Variants in KCND2 observed in about 807,000 individuals in gnomAD.
The protein encoded by KCND2 is A-type voltage-gated potassium channel KCND2.
A neutral mutation model predicts 54.4 loss-of-function variants in KCND2; 16 were observed. The observed-to-expected ratio is 0.29, with a 90% confidence interval of 0.20 to 0.45. The LOEUF is 0.45. KCND2 is among the 20% of genes least tolerant of loss of function. KCND2 has a pLI of 1.00. For synonymous variants in KCND2, 317 were observed against 310.7 expected (o/e 1.02, Z -0.21); for missense variants, 486 against 824.2 (o/e 0.59, Z 5.02).
intron 1 of KCND2, among the ~76,000 whole-genome samples, chr7:120,534,869 T>A (rs1791885764): frequency 6.6e-6 from 1 of 152,132 alleles, no homozygotes; most frequent in Non-Finnish European, 1.5e-5. Context: ...ATACCACAAG[T>A]GGAATGATAA....
chr7:120,483,578 A>G (rs1802637211), intron 1 of KCND2, among the ~76,000 whole-genome samples: 1 of 152,232 alleles, frequency 6.6e-6, no homozygotes, highest in Admixed American at 6.5e-5. Flanking sequence ...AGAACTCAGC[A>G]ATGGTGACTG....
chr7:120,399,863 G>T (rs529845024), intron 1 of KCND2, among the ~76,000 whole-genome samples: 7 of 151,882 alleles, frequency 4.6e-5, no homozygotes, highest in African/African-American at 1.4e-4. Context: ...GTAGCTGGAA[G>T]TACAGGTGCC....
At chr7:120,484,699 A>ATG (rs1162828330) in intron 1 of KCND2, among the ~76,000 whole-genome samples, 7 of 130,230 alleles carry the variant, frequency 5.4e-5, no homozygotes, top group African/African-American at 2.6e-4. Context: ...TATATATTAC[A>ATG]CGCACACACA....
intron 1 of KCND2, among the ~76,000 whole-genome samples, chr7:120,319,875 C>T (rs1191575548): frequency 6.6e-6 from 1 of 152,044 alleles, no homozygotes; most frequent in Non-Finnish European, 1.5e-5. Context: ...TAGTATCATG[C>T]TGCTTTTAAA....
intron 1 of KCND2, among the ~76,000 whole-genome samples, chr7:120,349,155 G>A (rs191843619): frequency 6.6e-6 from 1 of 151,982 alleles, no homozygotes; most frequent in Non-Finnish European, 1.5e-5. Flanking sequence ...ATTCTACAAA[G>A]AAATTAACTT....
At chr7:120,644,519 G>C (rs2116535370) in intron 1 of KCND2, among the ~76,000 whole-genome samples, 1 of 152,220 alleles carries the variant, frequency 6.6e-6, no homozygotes, top group Admixed American at 6.5e-5. Flanking sequence ...ATACAAAACT[G>C]TTCCATTATG....
At chr7:120,540,445 A>G (rs112858514) in intron 1 of KCND2, among the ~76,000 whole-genome samples, 56 of 152,270 alleles carry the variant, frequency 3.7e-4, no homozygotes, top group Non-Finnish European at 6.2e-4. Context: ...ATGGTTTGAG[A>G]AGACCCATAG....
chr7:120,317,719 C>T (rs2116325247), intron 1 of KCND2, among the ~76,000 whole-genome samples: 1 of 152,266 alleles, frequency 6.6e-6, no homozygotes, highest in East Asian at 1.9e-4. Context: ...CAGTACATGG[C>T]TTCAGAAATT....
intron 1 of KCND2, among the ~76,000 whole-genome samples, chr7:120,378,958 A>G (rs1003177087): frequency 6.6e-6 from 1 of 152,028 alleles, no homozygotes; most frequent in Non-Finnish European, 1.5e-5. Context: ...AGAAGAACTC[A>G]TTTGTAACTG....
At chr7:120,473,616 T>G (rs976836561) in intron 1 of KCND2, among the ~76,000 whole-genome samples, 44 of 152,298 alleles carry the variant, frequency 2.9e-4, no homozygotes, top group East Asian at 2.7e-3. Context: ...TGTAATTTTT[T>G]TGTGTGTGTG....
intron 1 of KCND2, among the ~76,000 whole-genome samples, chr7:120,354,083 C>T (rs150870306): frequency 0.015 from 2,271 of 152,148 alleles, 28 homozygotes; most frequent in Non-Finnish European, 0.021. Flanking sequence ...GAGTAAAACA[C>T]TTGTGCCCTT....
intron 1 of KCND2, among the ~76,000 whole-genome samples, chr7:120,525,832 A>T (rs1791765203): frequency 6.6e-6 from 1 of 152,158 alleles, no homozygotes; most frequent in African/African-American, 2.4e-5. Flanking sequence ...GAGACTTCTT[A>T]TGTTTGTTTT....
Position 120,275,208 on chromosome 7 carries a change from G to A in KCND2, c.576G>A (p.Gly192=), listed in dbSNP as rs1327042112. Residue 192 remains glycine, a synonymous_variant, in exon 1 of 6, where the codon GGG becomes GGA. Transcript: ENST00000331113. Reference sequence around the variant, plus strand: ...CCCTGGTGTTCTACTATGTCACGGGGTTTTTCATTGCCGTCTCTGTCATCG... The same window carrying A: ...CCCTGGTGTTCTACTATGTCACGGGATTTTTCATTGCCGTCTCTGTCATCG... ...TMALVFYYVT[G]FFIAVSVIAN... is the part of the protein sequence containing the mutation. 11 of 1,613,822 alleles carry A rather than the reference G, an allele frequency of 6.8e-6. No homozygotes were observed. The highest frequency in any genetic ancestry group is 4.0e-5 in the African/African-American group (3 of 74,876).
rs893168874 is a variant in KCND2 at position 120,563,008 on chromosome 7, A to G, written c.1116-169895A>G. On this transcript the variant is annotated intron_variant, in intron 1 of 5. Transcript: ENST00000331113. ...AGAAATGCTTCAATCTATCTGCAAT[A>G]CAATTAAATTTGGATTAGAAATGTC... Among the ~76,000 whole-genome samples, 5 of 152,224 alleles carry G rather than the reference A, an allele frequency of 3.3e-5. No homozygotes were observed. The East Asian group carries it at 7.7e-4, about 23-fold the overall frequency.
At chr7:120,680,044 GA>G (rs1792119695) in intron 1 of KCND2, among the ~76,000 whole-genome samples, 1 of 152,072 alleles carries the variant, frequency 6.6e-6, no homozygotes, top group East Asian at 1.9e-4. Flanking sequence ...TTTAATTTTA[GA>G]GATGATTAAT....
intron 1 of KCND2, among the ~76,000 whole-genome samples, chr7:120,637,228 A>G (rs1470514251): frequency 6.6e-6 from 1 of 152,120 alleles, no homozygotes; most frequent in Non-Finnish European, 1.5e-5. Context: ...ATATTTTTTC[A>G]AGATTTCTGA....
chr7:120,640,546 A>G (rs904590307), intron 1 of KCND2, among the ~76,000 whole-genome samples: 5 of 152,156 alleles, frequency 3.3e-5, no homozygotes, highest in African/African-American at 4.8e-5. Flanking sequence ...AAAATGTCTT[A>G]GAGGAGGAAT....
intron 1 of KCND2, among the ~76,000 whole-genome samples, chr7:120,342,819 G>A (rs1045261018): frequency 6.6e-6 from 1 of 152,082 alleles, no homozygotes; most frequent in Non-Finnish European, 1.5e-5. Context: ...TACTCATGTT[G>A]AATGAATGTT....
chr7:120,721,974 G>A (rs66806979), intron 1 of KCND2, among the ~76,000 whole-genome samples: 2 of 151,966 alleles, frequency 1.3e-5, no homozygotes, highest in Non-Finnish European at 2.9e-5. Context: ...TCACTTGGCC[G>A]TCACTCTCCC....
Sources: gnomAD v4.1 joint callset for allele counts (sites outside exome capture counted in the v4.1 genomes callset) on GRCh38, gnomAD v4.1.1 for gene constraint, MANE v1.5 for transcripts, NCBI Gene and HGNC (gene_info 2026-07-23, HGNC 2026-07-21) for gene names.